FGF5: variants seen among roughly 807,000 people sequenced by gnomAD.
FGF5 encodes the protein heparin-binding growth factor 5.
Under a neutral mutation model 21.8 loss-of-function variants are expected in FGF5, and 23 were observed. The observed-to-expected ratio is 1.05, with a 90% CI of 0.76 to 1.49. The LOEUF is 1.49. Ranked by LOEUF, FGF5 falls within the 40% of genes most tolerant of loss-of-function variation. The pLI is 0.00. For synonymous variants in FGF5, 158 were observed against 124.0 expected, an observed-to-expected ratio of 1.27 and a Z score of -1.82; for missense variants, 352 against 332.9, an observed-to-expected ratio of 1.06 and a Z score of -0.45.
chr4:80,273,347 C>T (rs1348524418), intron 1 of FGF5, among the ~76,000 whole-genome samples: 1 of 151,838 alleles, frequency 6.6e-6, no homozygotes, highest in Non-Finnish European at 1.5e-5. Flanking sequence ...TTCAGTTATC[C>T]CCTTTTTCAC....
intron 1 of FGF5, among the ~76,000 whole-genome samples, chr4:80,270,413 A>T (rs1048003711): frequency 2.7e-5 from 4 of 150,696 alleles, no homozygotes; most frequent in African/African-American, 9.8e-5. Flanking sequence ...TTTCACCATG[A>T]GAAGTGCACC....
At position 80,286,906 on chromosome 4, in the gene FGF5, C is replaced by CT; in HGVS notation, c.*238dup. On this transcript the variant is annotated 3_prime_UTR_variant, in exon 3 of 3. Coordinates refer to ENST00000312465, the MANE Select transcript of FGF5 (RefSeq NM_004464.4). Reference sequence around the variant, plus strand: ...CCTTCAGTTCAGCAAGACATAAAGCCTTTTGCTTTATGCTTGAGGGATATT... The same window carrying CT: ...CCTTCAGTTCAGCAAGACATAAAGCCTTTTTGCTTTATGCTTGAGGGATATT... The CT allele has an allele frequency of 2.3e-6, 1 of 440,562 alleles. No individual in the cohort carries two copies. The highest frequency in any genetic ancestry group is 3.7e-5 in the Admixed American group (1 of 26,786). 27.3% of individuals were successfully genotyped at this position (440,562 alleles called of 1,614,324 possible).
chr4:80,278,946 C>G (rs534306379), intron 2 of FGF5, among the ~76,000 whole-genome samples: 11 of 152,308 alleles, frequency 7.2e-5, no homozygotes, highest in African/African-American at 2.2e-4. Flanking sequence ...CTCCAAGCCA[C>G]AGCTGTGGCC....
At chr4:80,284,262 C>T (rs1441461224) in intron 2 of FGF5, among the ~76,000 whole-genome samples, 3 of 152,026 alleles carry the variant, frequency 2.0e-5, no homozygotes, top group Admixed American at 6.6e-5. Context: ...GGTGAAACCC[C>T]GTCTCTACTA....
At chr4:80,281,312 G>C (rs1014813268) in intron 2 of FGF5, among the ~76,000 whole-genome samples, 1 of 152,064 alleles carries the variant, frequency 6.6e-6, no homozygotes, top group Non-Finnish European at 1.5e-5. Context: ...AAGGAGGGAG[G>C]GGAATTAGAA....
chr4:80,268,559 G>T (rs1578290310), intron 1 of FGF5: 1 of 984,532 alleles, frequency 1.0e-6, no homozygotes, highest in South Asian at 4.7e-5. Context: ...GGTCGGAGGC[G>T]CGCAAGTGGG....
chr4:80,286,293 A>T, intron 2 of FGF5, 32 bp from the exon 3 acceptor site: 1 of 1,458,636 alleles, frequency 6.9e-7, no homozygotes, highest in Admixed American at 2.2e-5. Flanking sequence ...GATCGCCACA[A>T]CTTAAATTTC....
chr4:80,268,512 G>T, intron 1 of FGF5: 1 of 986,094 alleles, frequency 1.0e-6, no homozygotes, highest in Non-Finnish European at 1.2e-6. Flanking sequence ...CACCACCGGC[G>T]GTCTGAAGAT....
Position 80,266,922 on chromosome 4 carries a change from G to C in FGF5, c.98G>C (p.Gly33Ala), listed in dbSNP as rs1454481784. 3 of 1,614,114 alleles carry C rather than the reference G, an allele frequency of 1.9e-6. No homozygotes were observed. In the Admixed American group the frequency reaches 5.0e-5, roughly 27 times the overall value. ...EKRLAPKGQPGPAATDRNPRG... is the reference protein window; with the variant it reads ...EKRLAPKGQPAPAATDRNPRG... ...CGTCTCGCCCCCAAAGGGCAACCCG[G>C]ACCCGCTGCCACTGATAGGAACCCT... Residue 33 changes from glycine to alanine, a missense_variant, in exon 1 of 3, where the codon GGA becomes GCA. Physicochemically the swap from Gly to Ala is moderately conservative, Grantham distance 60 (BLOSUM62 0). Transcript: ENST00000312465.
chr4:80,286,872 G>C lies in FGF5; in HGVS notation c.*200G>C. The C allele has an allele frequency of 1.8e-6, 1 of 541,488 alleles. No homozygotes were observed. Among genetic ancestry groups the C allele is most frequent in the Non-Finnish European group, 3.3e-6 (1 of 305,940 alleles). The allele number at this position is 541,488 out of a possible 1,614,324, so 33.5% of individuals were successfully genotyped here. Reference sequence around the variant, plus strand: ...CTGGAATTCTTTGTACTAATACAGGGAGCACACTCCTTCAGTTCAGCAAGA... The same window carrying C: ...CTGGAATTCTTTGTACTAATACAGGCAGCACACTCCTTCAGTTCAGCAAGA... On this transcript the variant is annotated 3_prime_UTR_variant, in exon 3 of 3. Coordinates refer to ENST00000312465, the MANE Select transcript of FGF5 (RefSeq NM_004464.4).
intron 1 of FGF5, among the ~76,000 whole-genome samples, chr4:80,270,901 A>T (rs1720254344): frequency 6.6e-6 from 1 of 152,234 alleles, no homozygotes; most frequent in Non-Finnish European, 1.5e-5. Context: ...ACAGTCCCCC[A>T]AGCCTAGATA....
At chr4:80,267,255 G>C in intron 1 of FGF5, 76 bp downstream of exon 1, 2 of 1,205,202 alleles carry the variant, frequency 1.7e-6, no homozygotes, top group South Asian at 1.5e-5. Flanking sequence ...GGTATTCGCC[G>C]GGACACAGGC....
chr4:80,269,164 G>A (rs1578290628), intron 1 of FGF5, among the ~76,000 whole-genome samples: 2 of 152,080 alleles, frequency 1.3e-5, no homozygotes, highest in African/African-American at 4.8e-5. Flanking sequence ...GACTGTGCGC[G>A]CTGCTGTCTC....
intron 1 of FGF5, among the ~76,000 whole-genome samples, chr4:80,273,623 T>C (rs1241114604): frequency 1.3e-5 from 2 of 152,194 alleles, no homozygotes; most frequent in African/African-American, 2.4e-5. Context: ...AATTAGTATA[T>C]ATGCTTAGAA....
Position 80,286,697 on chromosome 4 carries a change from C to G in FGF5, c.*25C>G. 1 of 1,577,578 alleles carries G rather than the reference C, an allele frequency of 6.3e-7. No individual in the cohort carries two copies. The highest frequency in any genetic ancestry group is 1.1e-5 in the South Asian group (1 of 89,714). The stretch of plus-strand genomic sequence containing the variant: ...ATATTCCTCTTGGCCTTGTGAGAAA[C>G]CATTCTTTCCCCTCAGGAGTTTCTA... On this transcript the variant is annotated 3_prime_UTR_variant, in exon 3 of 3. Transcript: ENST00000312465.
chr4:80,267,651 C>G (rs1720134728), intron 1 of FGF5, among the ~76,000 whole-genome samples: 1 of 152,040 alleles, frequency 6.6e-6, no homozygotes, highest in South Asian at 2.1e-4. Flanking sequence ...CTCTTCCATC[C>G]GCTACCATAA....
intron 1 of FGF5, among the ~76,000 whole-genome samples, chr4:80,274,571 T>G (rs181885932): frequency 6.6e-6 from 1 of 152,202 alleles, no homozygotes; most frequent in East Asian, 1.9e-4. Context: ...TGGAGGAGAA[T>G]TATTTTGAAA....
At chr4:80,271,209 A>C (rs3796605) in intron 1 of FGF5, among the ~76,000 whole-genome samples, 1 of 152,186 alleles carries the variant, frequency 6.6e-6, no homozygotes, top group Non-Finnish European at 1.5e-5. Flanking sequence ...ATCAACCACT[A>C]TCAGTAGAGC....
rs33946030 is a variant in FGF5 at position 80,287,081 on chromosome 4, GT to G, written c.*418del. 5.5e-3 allele frequency: 850 copies of G among 154,932 alleles called. 11 individuals carry two copies. The highest frequency in any genetic ancestry group is 0.02 in the African/African-American group (802 of 40,996). The allele number at this position is 154,932 out of a possible 1,614,324, so 9.6% of individuals were successfully genotyped here. On this transcript the variant is annotated 3_prime_UTR_variant, in exon 3 of 3. Transcript: ENST00000312465. ...CAGATAAAATATTTTGTTAACTTTTGTTTTTTTTTGTTTGTTTTCTTAAAAG... is the reference window on the plus strand; with the variant it reads ...CAGATAAAATATTTTGTTAACTTTTGTTTTTTTTGTTTGTTTTCTTAAAAG...
Sources: gnomAD v4.1 joint callset for allele counts (sites outside exome capture counted in the v4.1 genomes callset) on GRCh38, gnomAD v4.1.1 for gene constraint, MANE v1.5 for transcripts, NCBI Gene and HGNC (gene_info 2026-07-23, HGNC 2026-07-21) for gene names.